TFCP2: variants seen among roughly 807,000 people sequenced by gnomAD.
TFCP2 encodes the protein alpha-globin transcription factor CP2.
Under a neutral mutation model 73.4 loss-of-function variants are expected in TFCP2, and 33 were observed. The observed-to-expected ratio is 0.45, with a 90% confidence interval of 0.34 to 0.60. The LOEUF (loss-of-function observed/expected upper bound fraction) is 0.60. Ranked by LOEUF, TFCP2 falls within the 20% of genes least tolerant of loss-of-function variation. TFCP2 has a pLI of 0.01. For synonymous variants in TFCP2, 193 were observed against 211.6 expected, an observed-to-expected ratio of 0.91 and a Z score of 0.76; for missense variants, 352 against 604.0, an observed-to-expected ratio of 0.58 and a Z score of 4.37.
intron 1 of TFCP2, among the ~76,000 whole-genome samples, chr12:51,126,930 G>A (rs565437561): frequency 6.6e-6 from 1 of 152,244 alleles, no homozygotes; most frequent in African/African-American, 2.4e-5. Flanking sequence ...GTCAGATCAG[G>A]GAGGAGACCT....
At chr12:51,161,638 C>T (rs1941650179) in intron 1 of TFCP2, among the ~76,000 whole-genome samples, 2 of 150,864 alleles carry the variant, frequency 1.3e-5, no homozygotes, top group South Asian at 4.2e-4. Context: ...CAAGATCATG[C>T]CACTGTACTC....
rs1219271159 is a variant in TFCP2 at position 51,103,657 on chromosome 12, AAG to A, written c.1060+11_1060+12del. 1 of 1,606,912 alleles carries A rather than the reference AAG, an allele frequency of 6.2e-7. No individual in the cohort carries two copies. The highest frequency in any genetic ancestry group is 8.5e-7 in the Non-Finnish European group (1 of 1,177,238). On this transcript the variant is annotated intron_variant, in intron 10 of 14. Coordinates refer to ENST00000257915, the MANE Select transcript of TFCP2 (RefSeq NM_005653.5). The stretch of plus-strand genomic sequence containing the variant: ...TTCATGCTAGGGAAAACAAAAGAAA[AAG>A]AAAATTTAACCTGAGAAGTTTGTGA...
chr12:51,103,640 A>G (rs1328497000), intron 10 of TFCP2, 30 bp downstream of exon 10: 2 of 1,583,508 alleles, frequency 1.3e-6, no homozygotes, highest in Middle Eastern at 3.3e-4. Flanking sequence ...ATTTCATGCT[A>G]GGGAAAACAA....
intron 1 of TFCP2, among the ~76,000 whole-genome samples, chr12:51,147,529 TG>T (rs34122712): frequency 6.8e-6 from 1 of 147,822 alleles, no homozygotes; most frequent in Non-Finnish European, 1.5e-5. Flanking sequence ...TAGGAAGAGG[TG>T]GGGGGGGAAA....
rs146835071 is a variant in TFCP2 at position 51,169,578 on chromosome 12, C to G, written c.122+2723G>C. ...AAAAAGGATGAAAAAAACAAAAAAG[C>G]CAGGCGTAGTGTTATATGCCTATAG... is the stretch of plus-strand genomic sequence containing the variant. On this transcript the variant is annotated intron_variant, in intron 1 of 14. Coordinates refer to ENST00000257915, the MANE Select transcript of TFCP2 (RefSeq NM_005653.5). 4.2e-3 allele frequency among the ~76,000 whole-genome samples: 635 copies of G among 151,946 alleles called. 3 individuals are homozygous for G. The highest frequency in any genetic ancestry group is 0.028 in the South Asian group (134 of 4,808).
rs2136968409 is a variant in TFCP2, at chr12:51,106,741, T to C, written c.829-128A>G. 8.5e-6 allele frequency: 6 copies of C among 703,244 alleles called. No homozygotes were observed. In the East Asian group the frequency reaches 1.2e-4, roughly 14 times the overall value. 43.6% of individuals were successfully genotyped at this position (703,244 alleles called of 1,614,324 possible). Reference sequence around the variant, plus strand: ...ATTCCTCAGAGACTCCCATAAGCAATAGAGAACACTGCTTCTCTTTCCGCC... The same window carrying C: ...ATTCCTCAGAGACTCCCATAAGCAACAGAGAACACTGCTTCTCTTTCCGCC... On this transcript the variant is annotated intron_variant, in intron 7 of 14. Transcript: ENST00000257915.
At position 51,095,085 on chromosome 12, in the gene TFCP2, G is replaced by A; in HGVS notation, c.*156C>T. 2 of 794,086 alleles carry A rather than the reference G, an allele frequency of 2.5e-6. No homozygotes were observed. Among genetic ancestry groups the A allele is most frequent in the Non-Finnish European group, 4.3e-6 (2 of 460,764 alleles). 49.2% of individuals were successfully genotyped at this position (794,086 alleles called of 1,614,324 possible). Reference sequence around the variant, plus strand: ...CACAAGAGCTTGGGCCAACACAGAGGGCCAGGATTCTGCCTCCATGGCCTG... The same window carrying A: ...CACAAGAGCTTGGGCCAACACAGAGAGCCAGGATTCTGCCTCCATGGCCTG... On this transcript the variant is annotated 3_prime_UTR_variant, in exon 15 of 15. Coordinates refer to ENST00000257915, the MANE Select transcript of TFCP2 (RefSeq NM_005653.5).
chr12:51,149,634 C>CT (rs1169021412), intron 1 of TFCP2, among the ~76,000 whole-genome samples: 10 of 152,154 alleles, frequency 6.6e-5, no homozygotes, highest in Middle Eastern at 3.4e-3. Flanking sequence ...GAGGCTCGCT[C>CT]TGTCACCCAG....
chr12:51,121,436 T>A (rs1940670191), intron 1 of TFCP2, among the ~76,000 whole-genome samples: 1 of 145,590 alleles, frequency 6.9e-6, no homozygotes, highest in South Asian at 2.2e-4. Context: ...AAAAAAATAT[T>A]CCCCCAAAAG....
At chr12:51,147,461 C>T (rs942721089) in intron 1 of TFCP2, among the ~76,000 whole-genome samples, 1 of 151,694 alleles carries the variant, frequency 6.6e-6, no homozygotes, top group African/African-American at 2.4e-5. Context: ...TAGTGAGAGT[C>T]GACTATCAGC....
intron 1 of TFCP2, among the ~76,000 whole-genome samples, chr12:51,134,577 C>T (rs945289124): frequency 7.2e-5 from 11 of 152,092 alleles, no homozygotes; most frequent in South Asian, 4.1e-4. Flanking sequence ...TGAGCCACCC[C>T]GCCTGGCCTT....
intron 1 of TFCP2, among the ~76,000 whole-genome samples, chr12:51,138,243 G>A (rs1941107200): frequency 6.6e-6 from 1 of 152,016 alleles, no homozygotes; most frequent in Admixed American, 6.6e-5. Context: ...CCACGTTCAA[G>A]TGATTCTCCC....
intron 1 of TFCP2, chr12:51,124,541 C>G: frequency 2.3e-6 from 1 of 435,336 alleles, no homozygotes; most frequent in South Asian, 1.8e-5. Context: ...ATCATTGGGG[C>G]TGTGGCCCAG....
chr12:51,097,342 G>A (rs1055287043), intron 13 of TFCP2, among the ~76,000 whole-genome samples: 1 of 151,962 alleles, frequency 6.6e-6, no homozygotes, highest in Non-Finnish European at 1.5e-5. Context: ...TCTGCCTCTC[G>A]GGTTCAAGCA....
At chr12:51,153,769 T>C (rs1941479306) in intron 1 of TFCP2, among the ~76,000 whole-genome samples, 1 of 152,250 alleles carries the variant, frequency 6.6e-6, no homozygotes, top group South Asian at 2.1e-4. Flanking sequence ...ATCATATGTA[T>C]ACATTATATA....
At chr12:51,109,341 A>G (rs1940337042) in intron 5 of TFCP2, 68 bp from the exon 6 acceptor site, 2 of 1,554,926 alleles carry the variant, frequency 1.3e-6, no homozygotes, top group African/African-American at 1.4e-5. Flanking sequence ...GTATTTTTTT[A>G]GCAACTATTA....
At chr12:51,123,811 C>A (rs576639368) in intron 1 of TFCP2, among the ~76,000 whole-genome samples, 4 of 152,308 alleles carry the variant, frequency 2.6e-5, no homozygotes, top group South Asian at 2.1e-4. Context: ...ATGATGTATA[C>A]TTTTGTTTTG....
chr12:51,124,353 A>T (rs1379530336), intron 1 of TFCP2, among the ~76,000 whole-genome samples: 1 of 152,106 alleles, frequency 6.6e-6, no homozygotes, highest in Non-Finnish European at 1.5e-5. Flanking sequence ...TTAGCCTCCC[A>T]AAGTGCTAGA....
At chr12:51,095,903 T>C (rs1939954919) in intron 14 of TFCP2, 86 bp downstream of exon 14, 6 of 996,538 alleles carry the variant, frequency 6.0e-6, no homozygotes, top group Non-Finnish European at 8.8e-6. Context: ...TTACTTTTCC[T>C]ATCTCTCCTC....
Sources: allele counts gnomAD v4.1 joint callset (sites outside exome capture counted in the v4.1 genomes callset), GRCh38; gene constraint gnomAD v4.1.1; transcripts MANE v1.5; gene names NCBI Gene and HGNC (gene_info 2026-07-23, HGNC 2026-07-21).